Variants in OVCH1 observed in about 807,000 individuals in gnomAD.
The protein encoded by OVCH1 is ovochymase 1.
Under a neutral mutation model 138.4 loss-of-function variants are expected in OVCH1, and 139 were observed. That is an observed-to-expected ratio of 1.00 (90% CI 0.87 to 1.16). The LOEUF is 1.16. Ranked by LOEUF, OVCH1 falls within the 50% of genes most tolerant of loss-of-function variation. OVCH1 has a pLI of 0.00. For synonymous variants in OVCH1, 453 were observed against 467.8 expected (o/e 0.97, Z 0.41); for missense variants, 1,367 against 1,357.9 (o/e 1.01, Z -0.11).
chr12:29,412,236 ACT>A (rs1940969120), downstream of OVCH1, among the ~76,000 whole-genome samples: 2 of 151,912 alleles, frequency 1.3e-5, no homozygotes, highest in South Asian at 4.1e-4. Context: ...AGAAAAGGGA[ACT>A]CCCTGACTCC....
At chr12:29,485,507 G>A (rs1253821242) in intron 8 of OVCH1, among the ~76,000 whole-genome samples, 2 of 151,738 alleles carry the variant, frequency 1.3e-5, no homozygotes, top group African/African-American at 4.8e-5. Flanking sequence ...GGGCACAGTG[G>A]CTCACTCCTG....
At chr12:29,463,326 T>C (rs1380046862) in intron 18 of OVCH1, among the ~76,000 whole-genome samples, 1 of 152,116 alleles carries the variant, frequency 6.6e-6, no homozygotes, top group Admixed American at 6.6e-5. Flanking sequence ...TGGTTGAAAA[T>C]GCAATAATGA....
At chr12:29,474,675 C>T (rs1942642029) in intron 14 of OVCH1, among the ~76,000 whole-genome samples, 1 of 152,154 alleles carries the variant, frequency 6.6e-6, no homozygotes. Flanking sequence ...GTCTGAGTAG[C>T]ACGTACTTTA....
intron 16 of OVCH1, among the ~76,000 whole-genome samples, chr12:29,470,735 G>C (rs889594694): frequency 6.6e-6 from 1 of 152,132 alleles, no homozygotes. Context: ...TATATACCCA[G>C]TAATGTGATT....
rs1555140773 is a variant in OVCH1, at chr12:29,417,789, G to GTGTGTGTGTC, written c.*72-5065_*72-5064insGACACACACA. ...TGTGTGTGTGTGTGTGTGTGTGTGT[G>GTGTGTGTGTC]TGTGTCTGTGTCTGTGTGTGTTTTA... On this transcript the variant is annotated intron_variant and NMD_transcript_variant, in intron 3 of 4. Transcript: ENST00000539117. Among the ~76,000 whole-genome samples, 328 of 150,244 alleles carry GTGTGTGTGTC rather than the reference G, an allele frequency of 2.2e-3. 1 individual carries two copies. Among genetic ancestry groups the GTGTGTGTGTC allele is most frequent in the African/African-American group, 7.8e-3 (317 of 40,870 alleles).
At chr12:29,419,001 C>G (rs368222051) in intron 3 of OVCH1, among the ~76,000 whole-genome samples, 1 of 151,988 alleles carries the variant, frequency 6.6e-6, no homozygotes, top group Non-Finnish European at 1.5e-5. Context: ...ACTACAAGCC[C>G]ACACCACTAT....
At chr12:29,412,877 TCACG>T (rs1347521405) in intron 3 of OVCH1, among the ~76,000 whole-genome samples, 2 of 152,208 alleles carry the variant, frequency 1.3e-5, no homozygotes, top group Non-Finnish European at 2.9e-5. Flanking sequence ...AAACAAAGTC[TCACG>T]CTGTCATCCA....
Position 29,445,308 on chromosome 12 carries a change from C to T in OVCH1, c.2851G>A (p.Gly951Ser), listed in dbSNP as rs756609612. ...ACTTTCAAGACAATATAGCTTATAC[C>T]AAATGCACCTCGTACAAGGGCATGG... The change falls in exon 23 of 28, where the codon GGT (glycine) becomes AGT (serine). Residue 951 changes from glycine (G) to serine (S), a missense_variant. Gly to Ser is a moderately conservative substitution (Grantham distance 56, BLOSUM62 0). Transcript: ENST00000318184. 2 of 1,611,578 alleles carry T rather than the reference C, an allele frequency of 1.2e-6. No homozygotes were observed. The highest frequency in any genetic ancestry group is 1.7e-5 in the Admixed American group (1 of 59,800).
intron 15 of OVCH1, 37 bp downstream of exon 15, chr12:29,472,992 A>G (rs1942566829): frequency 3.9e-6 from 6 of 1,537,530 alleles, no homozygotes; most frequent in Middle Eastern, 1.7e-4. Context: ...TGAAGAAACA[A>G]GATTAAACAG....
chr12:29,425,596 T>G (rs888485797), downstream of OVCH1, among the ~76,000 whole-genome samples: 1 of 152,196 alleles, frequency 6.6e-6, no homozygotes, highest in African/African-American at 2.4e-5. Context: ...TTTCTACTTA[T>G]TAGCGATGTC....
chr12:29,464,548 G>A (rs373062194), exon 18 of OVCH1: 11 of 1,613,504 alleles, frequency 6.8e-6, no homozygotes, highest in South Asian at 1.1e-5. Context: ...ACAGATCTCC[G>A]AGGAAAATAG....
At chr12:29,497,584 C>T (rs756826576) in intron 1 of OVCH1, 39 bp downstream of exon 1, 2 of 1,610,318 alleles carry the variant, frequency 1.2e-6, no homozygotes, top group East Asian at 2.2e-5. Flanking sequence ...GCACGCTCAG[C>T]CTCCTCCGCA....
At chr12:29,433,991 A>G (rs887919860) in intron 26 of OVCH1, among the ~76,000 whole-genome samples, 3 of 150,900 alleles carry the variant, frequency 2.0e-5, no homozygotes, top group Non-Finnish European at 3.0e-5. Context: ...TCTAATAAAT[A>G]TTCAGAATTA....
intron 15 of OVCH1, among the ~76,000 whole-genome samples, chr12:29,472,475 A>AT (rs1669911840): frequency 6.6e-6 from 1 of 152,162 alleles, no homozygotes; most frequent in Admixed American, 6.6e-5. Context: ...CTGTTCTCTT[A>AT]TCAGGAATTG....
At chr12:29,451,103 C>T (rs868427031) in intron 22 of OVCH1, among the ~76,000 whole-genome samples, 1 of 151,878 alleles carries the variant, frequency 6.6e-6, no homozygotes, top group African/African-American at 2.4e-5. Context: ...CACCACGGCA[C>T]GTGTATACCT....
chr12:29,473,672 T>A (rs1420303748), intron 14 of OVCH1, among the ~76,000 whole-genome samples: 1 of 152,116 alleles, frequency 6.6e-6, no homozygotes, highest in Non-Finnish European at 1.5e-5. Context: ...CAAGCTAGGA[T>A]CTTGAAAATC....
chr12:29,497,616 G>A lies in OVCH1; in HGVS notation c.64+7C>T, dbSNP rs1414041821. 1 of 1,613,710 alleles carries A rather than the reference G, an allele frequency of 6.2e-7. No homozygotes were observed. Among genetic ancestry groups the A allele is most frequent in the Non-Finnish European group, 8.5e-7 (1 of 1,179,754 alleles). The stretch of plus-strand genomic sequence containing the variant: ...CGCAGTCCTGGTGCCCAGGTCCCTA[G>A]GCTCACCTAGGCTTCTGGGGTGGCC... On this transcript the variant is annotated splice_region_variant and intron_variant, in intron 1 of 27. Coordinates refer to ENST00000318184, the Ensembl canonical transcript of OVCH1.
At chr12:29,457,255 A>T (rs897495831) in intron 19 of OVCH1, among the ~76,000 whole-genome samples, 1 of 152,144 alleles carries the variant, frequency 6.6e-6, no homozygotes, top group African/African-American at 2.4e-5. Flanking sequence ...TTCAGTACCA[A>T]TGCATAGCCA....
chr12:29,440,849 T>A (rs994008368), intron 25 of OVCH1, 105 bp from the exon 26 acceptor site: 3 of 440,608 alleles, frequency 6.8e-6, no homozygotes, highest in South Asian at 3.3e-5. Flanking sequence ...TTTTACCCAC[T>A]CTGAGAGGAC....
Sources: allele counts gnomAD v4.1 joint callset (sites outside exome capture counted in the v4.1 genomes callset), GRCh38; gene constraint gnomAD v4.1.1; transcripts MANE v1.5; gene names NCBI Gene and HGNC (gene_info 2026-07-23, HGNC 2026-07-21).